Variants in ITPR1 observed in about 807,000 individuals in gnomAD.
The protein encoded by ITPR1 is inositol 1,4,5-trisphosphate receptor type 1.
In ITPR1, 96 loss-of-function variants were observed where a neutral mutation model predicts 318.4. The ratio of observed to expected loss-of-function variants is 0.30; its 90% CI spans 0.26 to 0.36. The LOEUF (loss-of-function observed/expected upper bound fraction) is 0.36. Ranked by LOEUF, ITPR1 falls within the 10% of genes least tolerant of loss-of-function variation. The pLI is 1.00. For missense variants in ITPR1, 2,440 were observed against 3,460.2 expected, an observed-to-expected ratio of 0.71 and a Z score of 7.40; for synonymous variants, 1,312 against 1,289.9, an observed-to-expected ratio of 1.02 and a Z score of -0.37.
chr3:4,616,562 C>T (rs1328926946), intron 4 of ITPR1, among the ~76,000 whole-genome samples: 1 of 152,184 alleles, frequency 6.6e-6, no homozygotes, highest in Non-Finnish European at 1.5e-5. Flanking sequence ...CTATTGATTT[C>T]ATCTCATATA....
At chr3:4,609,456 G>A (rs2091944588) in intron 4 of ITPR1, among the ~76,000 whole-genome samples, 2 of 152,062 alleles carry the variant, frequency 1.3e-5, no homozygotes, top group South Asian at 4.1e-4. Context: ...CTAATTAGTT[G>A]TTTCTTGTTG....
chr3:4,763,992 T>G (rs1047604247), intron 44 of ITPR1, among the ~76,000 whole-genome samples: 6 of 152,228 alleles, frequency 3.9e-5, no homozygotes, highest in African/African-American at 1.4e-4. Flanking sequence ...TTCCATGCCA[T>G]GAGAACACAG....
intron 56 of ITPR1, 70 bp downstream of exon 56, chr3:4,811,530 AATAACGACTTTAGTAATGCAG>A: frequency 7.8e-7 from 1 of 1,289,596 alleles, no homozygotes; most frequent in Middle Eastern, 1.9e-4. Context: ...AACTAAAGAA[AATAACGACTTTAGTAATGCAG>A]ATATCTCCCC....
At chr3:4,605,055 T>A (rs551624743) in intron 4 of ITPR1, among the ~76,000 whole-genome samples, 1 of 152,092 alleles carries the variant, frequency 6.6e-6, no homozygotes, top group East Asian at 1.9e-4. Flanking sequence ...CACTGCAACC[T>A]CCGCCTCCCA....
intron 42 of ITPR1, among the ~76,000 whole-genome samples, 200 bp from the exon 43 acceptor site, chr3:4,732,888 C>T (rs1036782010): frequency 2.0e-5 from 3 of 152,106 alleles, no homozygotes; most frequent in Non-Finnish European, 2.9e-5. Context: ...AGATTGCTAC[C>T]GTTTTTTAAA....
intron 12 of ITPR1, among the ~76,000 whole-genome samples, chr3:4,655,006 C>A (rs2093675026): frequency 6.6e-6 from 1 of 152,120 alleles, no homozygotes; most frequent in African/African-American, 2.4e-5. Flanking sequence ...ATTTTGAAAG[C>A]TTTGCTTCCA....
chr3:4,735,109 G>A (rs2043181468), intron 43 of ITPR1, 55 bp from the exon 44 acceptor site: 2 of 1,414,990 alleles, frequency 1.4e-6, no homozygotes, highest in African/African-American at 1.4e-5. Context: ...TAAGTATGCA[G>A]CAAACATTAG....
chr3:4,701,086 C>A (rs552141515), intron 35 of ITPR1, among the ~76,000 whole-genome samples: 1 of 152,150 alleles, frequency 6.6e-6, no homozygotes, highest in Non-Finnish European at 1.5e-5. Flanking sequence ...TTGCCTGTTG[C>A]GTTTGGATGG....
chr3:4,770,335 G>A (rs1158578651), intron 46 of ITPR1, among the ~76,000 whole-genome samples: 1 of 152,132 alleles, frequency 6.6e-6, no homozygotes, highest in African/African-American at 2.4e-5. Context: ...TAATTAGTAA[G>A]GCAAACAGTG....
intron 44 of ITPR1, among the ~76,000 whole-genome samples, chr3:4,752,415 T>C (rs1866997): frequency 0.84 from 127,301 of 152,140 alleles, 53,464 homozygotes; most frequent in Middle Eastern, 0.96. Flanking sequence ...TTAAGGATCC[T>C]CAGCCAGGCT....
chr3:4,624,253 G>T (rs1404353080), intron 4 of ITPR1, among the ~76,000 whole-genome samples: 4 of 152,118 alleles, frequency 2.6e-5, no homozygotes, highest in Admixed American at 2.6e-4. Flanking sequence ...AACCCCATTT[G>T]GTCCATAAAG....
rs543210034 is a variant in ITPR1 at position 4,807,031 on chromosome 3, A to T, written c.7272+764A>T. 1.7e-4 allele frequency among the ~76,000 whole-genome samples: 26 copies of T among 151,594 alleles called. No individual in the cohort carries two copies. The South Asian group carries it at 5.4e-3, about 32-fold the overall frequency. Reference sequence around the variant, plus strand: ...TAGGAATATTAAAATATTTGTGAGGACAAAAATGATCAAGGCCTAAGGGTT... The same window carrying T: ...TAGGAATATTAAAATATTTGTGAGGTCAAAAATGATCAAGGCCTAAGGGTT... On this transcript the variant is annotated intron_variant, in intron 55 of 61. Coordinates refer to ENST00000649015, the MANE Select transcript of ITPR1 (RefSeq NM_001378452.1).
At chr3:4,808,416 A>C (rs1049351037) in intron 55 of ITPR1, among the ~76,000 whole-genome samples, 2 of 152,178 alleles carry the variant, frequency 1.3e-5, no homozygotes, top group African/African-American at 4.8e-5. Flanking sequence ...CTGGCATTTC[A>C]CGTTCCAGTT....
intron 4 of ITPR1, among the ~76,000 whole-genome samples, chr3:4,578,449 T>C (rs1266971871): frequency 6.6e-6 from 1 of 152,114 alleles, no homozygotes; most frequent in Non-Finnish European, 1.5e-5. Flanking sequence ...AAAGTTGCTA[T>C]TCCAAGTTGC....
intron 61 of ITPR1, 76 bp from the exon 62 acceptor site, chr3:4,846,063 T>TA (rs1453881349): frequency 8.5e-6 from 7 of 821,520 alleles, no homozygotes; most frequent in Non-Finnish European, 1.3e-5. Context: ...ACCACAGAGG[T>TA]AAATCTATGG....
intron 60 of ITPR1, among the ~76,000 whole-genome samples, chr3:4,828,166 T>C (rs2050204783): frequency 6.6e-6 from 1 of 152,150 alleles, no homozygotes; most frequent in South Asian, 2.1e-4. Context: ...AACAACAGCA[T>C]AGAACTTTGG....
chr3:4,600,536 G>A (rs748843874), intron 4 of ITPR1, among the ~76,000 whole-genome samples: 1 of 151,990 alleles, frequency 6.6e-6, no homozygotes, highest in Non-Finnish European at 1.5e-5. Flanking sequence ...GTTTTGAGAA[G>A]AATTTAAATA....
rs150186155 is a variant in ITPR1 at position 4,733,339 on chromosome 3, T to C, written c.5353+119T>C. ...AGATGAATTTGTGTTGCAGGTGTAT[T>C]TTTTAGCAACTTGTTTTGTCTTTGG... On this transcript the variant is annotated intron_variant, in intron 43 of 61. Coordinates refer to ENST00000649015, the MANE Select transcript of ITPR1 (RefSeq NM_001378452.1). 7.7e-5 allele frequency: 93 copies of C among 1,211,782 alleles called. 1 individual carries two copies. The East Asian group carries it at 2.2e-3, about 29-fold the overall frequency. 75.1% of individuals were successfully genotyped at this position (1,211,782 alleles called of 1,614,324 possible). A position where few individuals can be genotyped will look rare whatever the true frequency, so the allele number is the denominator to read the frequency against.
At chr3:4,738,289 A>T (rs2125325414) in intron 44 of ITPR1, among the ~76,000 whole-genome samples, 1 of 152,376 alleles carries the variant, frequency 6.6e-6, no homozygotes, top group East Asian at 1.9e-4. Flanking sequence ...CCTATGTTAT[A>T]TGTCAATCAA....
Sources: allele counts gnomAD v4.1 joint callset (sites outside exome capture counted in the v4.1 genomes callset), GRCh38; gene constraint gnomAD v4.1.1; transcripts MANE v1.5; gene names NCBI Gene and HGNC (gene_info 2026-07-23, HGNC 2026-07-21).